Variants in LZTS1 observed in about 807,000 individuals in gnomAD.
The protein encoded by LZTS1 is leucine zipper tumor suppressor 1, also known as leucine zipper putative tumor suppressor 1.
A neutral mutation model predicts 45.8 loss-of-function variants in LZTS1; 31 were observed. The observed-to-expected ratio is 0.68, with a 90% CI of 0.51 to 0.91. The LOEUF is 0.91. Ranked by LOEUF, LZTS1 falls within the 40% of genes least tolerant of loss-of-function variation. The probability of loss-of-function intolerance (pLI) is 0.00; values close to 1 mark genes in which losing one functional copy is unlikely to be tolerated. For synonymous variants in LZTS1, 359 were observed against 357.3 expected, an observed-to-expected ratio of 1.00 and a Z score of -0.05; for missense variants, 821 against 788.9, an observed-to-expected ratio of 1.04 and a Z score of -0.49.
intron 1 of LZTS1, among the ~76,000 whole-genome samples, chr8:20,291,572 A>G (rs1800901314): frequency 6.6e-6 from 1 of 152,258 alleles, no homozygotes; most frequent in Non-Finnish European, 1.5e-5. Flanking sequence ...CTGATGTCAC[A>G]TAGCTAACAG....
intron 1 of LZTS1, among the ~76,000 whole-genome samples, chr8:20,287,254 C>A (rs1800808899): frequency 6.6e-6 from 1 of 151,160 alleles, no homozygotes; most frequent in African/African-American, 2.5e-5. Flanking sequence ...TAAACACCAT[C>A]TCCTGACTTT....
In LZTS1 at chr8:20,250,667, T is replaced by A. The variant is rs150321556; in HGVS notation, c.1150-304A>T. Among the ~76,000 whole-genome samples the A allele has an allele frequency of 1.8e-3, 271 of 152,278 alleles. 1 individual carries two copies. Among genetic ancestry groups the A allele is most frequent in the African/African-American group, 6.1e-3 (254 of 41,560 alleles). ...TCACCTAGGCTGGGGTGTAGTGGCGTGATCTTGGCTCACTGCAACCTCCGC... is the reference window on the plus strand; with the variant it reads ...TCACCTAGGCTGGGGTGTAGTGGCGAGATCTTGGCTCACTGCAACCTCCGC... On this transcript the variant is annotated intron_variant, in intron 3 of 3. Transcript: ENST00000381569.
At position 20,252,942 on chromosome 8, in the gene LZTS1, A is replaced by T. The variant is rs1799974197; in HGVS notation, c.989T>A (p.Val330Asp). 6.2e-7 allele frequency: 1 copy of T among 1,602,010 alleles called. No individual in the cohort carries two copies. The highest frequency in any genetic ancestry group is 1.3e-5 in the African/African-American group (1 of 74,488). ...ASQKSQRAQQ[V>D]LHLQVLQLQQ... Reference sequence around the variant, plus strand: ...AAGCTGCAGTACCTGCAGGTGCAGGACCTGCTGCGCGCGCTGGCTCTTCTG... The same window carrying T: ...AAGCTGCAGTACCTGCAGGTGCAGGTCCTGCTGCGCGCGCTGGCTCTTCTG... The change falls in exon 3 of 4, where the codon GTC becomes GAC. Residue 330 changes from valine to aspartate, a missense_variant. Physicochemically the swap from Val to Asp is radical, Grantham distance 152. Transcript: ENST00000381569.
chr8:20,290,032 C>G (rs1223214164), intron 1 of LZTS1: 2 of 152,226 alleles, frequency 1.3e-5, no homozygotes, highest in African/African-American at 4.8e-5. Context: ...GTCCTAGAAC[C>G]AGACAGCTCT....
rs188618474 is a variant in LZTS1, at chr8:20,302,552, C to G, written c.-135+1188G>C. On this transcript the variant is annotated intron_variant, in intron 1 of 3. Coordinates refer to ENST00000381569, the MANE Select transcript of LZTS1 (RefSeq NM_021020.5). ...GAACTGCCAAGCAGATAGCTCATCTCTTTGTGGCTGGGCTCCTGGGCTCCC... is the reference window on the plus strand; with the variant it reads ...GAACTGCCAAGCAGATAGCTCATCTGTTTGTGGCTGGGCTCCTGGGCTCCC... Among the ~76,000 whole-genome samples the G allele has an allele frequency of 2.3e-3, 345 of 152,300 alleles. 2 individuals carry two copies. Among genetic ancestry groups the G allele is most frequent in the African/African-American group, 7.7e-3 (319 of 41,576 alleles).
chr8:20,261,076 A>G (rs1440456485), intron 1 of LZTS1, among the ~76,000 whole-genome samples: 3 of 152,176 alleles, frequency 2.0e-5, no homozygotes, highest in African/African-American at 7.2e-5. Context: ...GGGTCAACAG[A>G]CACATTTTTA....
rs1801121368 is a variant in LZTS1 at position 20,303,654 on chromosome 8, C to G, written c.-135+86G>C. ...ACGGACGCGCGGACGCACGGACGGT[C>G]CGGCCCGGCGAGGGGAAAGCGGTTT... On this transcript the variant is annotated intron_variant, in intron 1 of 3. Coordinates refer to ENST00000381569, the MANE Select transcript of LZTS1 (RefSeq NM_021020.5). 5.1e-6 allele frequency: 5 copies of G among 975,756 alleles called. No homozygotes were observed. In the South Asian group the frequency reaches 2.4e-4, roughly 46 times the overall value. 60.4% of individuals were successfully genotyped at this position (975,756 alleles called of 1,614,324 possible). A position where few individuals can be genotyped will look rare whatever the true frequency, so the allele number is the denominator to read the frequency against.
In LZTS1 at chr8:20,249,547, C is replaced by T. The variant is rs1215720126; in HGVS notation, c.*175G>A. 2 of 752,958 alleles carry T rather than the reference C, an allele frequency of 2.7e-6. No homozygotes were observed. Among genetic ancestry groups the T allele is most frequent in the South Asian group, 1.9e-5 (1 of 53,184 alleles). 46.6% of individuals were successfully genotyped at this position (752,958 alleles called of 1,614,324 possible). ...TGGTGGGCTGCAGGGCTGGTGAGCA[C>T]TGGGACATCAGAGAGGGAAGGAAAG... On this transcript the variant is annotated 3_prime_UTR_variant, in exon 4 of 4. Transcript: ENST00000381569.
At chr8:20,256,904 CAA>C (rs1800117069) in intron 1 of LZTS1, among the ~76,000 whole-genome samples, 1 of 152,190 alleles carries the variant, frequency 6.6e-6, no homozygotes, top group East Asian at 1.9e-4. Flanking sequence ...TGCAGAAAGA[CAA>C]GAGAGGCCTG....
At chr8:20,266,008 T>C (rs1800346284) in intron 1 of LZTS1, among the ~76,000 whole-genome samples, 1 of 151,950 alleles carries the variant, frequency 6.6e-6, no homozygotes. Context: ...ACTAAGAACA[T>C]AATAGATGCT....
chr8:20,292,602 G>A (rs564529071), intron 1 of LZTS1, among the ~76,000 whole-genome samples: 112 of 152,306 alleles, frequency 7.4e-4, no homozygotes, highest in Non-Finnish European at 1.3e-3. Context: ...AATACAGAGC[G>A]TTGTATCAGC....
chr8:20,273,872 G>A (rs1272311991), intron 1 of LZTS1, among the ~76,000 whole-genome samples: 1 of 152,048 alleles, frequency 6.6e-6, no homozygotes, highest in Non-Finnish European at 1.5e-5. Context: ...TCATGACTGG[G>A]ACTTTCTGTA....
chr8:20,250,206 AG>A lies in LZTS1; in HGVS notation c.1306del (p.Leu436TrpfsTer33). Reference sequence around the variant, plus strand: ...GCCCTTGGTGCGCAGGGCGCCCTCCAGGTCCTGGGTCCTCAGCTCCAGGCCC... The same window carrying A: ...GCCCTTGGTGCGCAGGGCGCCCTCCAGTCCTGGGTCCTCAGCTCCAGGCCC... ...LEGLELRTQD[L>X]EGALRTKGLE... On this transcript the variant is annotated frameshift_variant, in exon 4 of 4. Coordinates refer to ENST00000381569, the MANE Select transcript of LZTS1 (RefSeq NM_021020.5). LOFTEE classifies it high-confidence loss of function. 2 of 1,611,342 alleles carry A rather than the reference AG, an allele frequency of 1.2e-6. No individual in the cohort carries two copies. Among genetic ancestry groups the A allele is most frequent in the Non-Finnish European group, 1.7e-6 (2 of 1,179,510 alleles).
At chr8:20,258,489 G>C (rs569658302) in intron 1 of LZTS1, among the ~76,000 whole-genome samples, 17 of 152,172 alleles carry the variant, frequency 1.1e-4, no homozygotes, top group Admixed American at 2.0e-4. Flanking sequence ...AGAATAAAGA[G>C]GTTATGTTAT....
chr8:20,255,546 A>T (rs1453805863), intron 1 of LZTS1, among the ~76,000 whole-genome samples: 1 of 152,254 alleles, frequency 6.6e-6, no homozygotes, highest in East Asian at 1.9e-4. Context: ...GCAAGTGACT[A>T]AAACAGTCAC....
chr8:20,248,661 T>G lies in LZTS1; in HGVS notation c.*1061A>C, dbSNP rs1377606046. The G allele has an allele frequency of 2.0e-5, 3 of 152,154 alleles. No homozygotes were observed. The highest frequency in any genetic ancestry group is 7.2e-5 in the African/African-American group (3 of 41,402). The allele number at this position is 152,154 out of a possible 1,614,324, so 9.4% of individuals were successfully genotyped here. A position where few individuals can be genotyped will look rare whatever the true frequency, so the allele number is the denominator to read the frequency against. On this transcript the variant is annotated 3_prime_UTR_variant, in exon 4 of 4. Coordinates refer to ENST00000381569, the MANE Select transcript of LZTS1 (RefSeq NM_021020.5). ...CCCTGAAGGTGCTAAGGGGGAAAGG[T>G]TTGCCGCTAAACCTGGCTGTAGGCA... is the stretch of plus-strand genomic sequence containing the variant.
intron 1 of LZTS1, among the ~76,000 whole-genome samples, chr8:20,282,855 G>A (rs1800720275): frequency 6.6e-6 from 1 of 152,218 alleles, no homozygotes; most frequent in South Asian, 2.1e-4. Flanking sequence ...AAAGATGAGA[G>A]GATGTGATAG....
intron 3 of LZTS1, among the ~76,000 whole-genome samples, 193 bp from the exon 4 acceptor site, chr8:20,250,556 A>G (rs1262691714): frequency 6.6e-6 from 1 of 152,208 alleles, no homozygotes; most frequent in Non-Finnish European, 1.5e-5. Flanking sequence ...GAGCTAGGCT[A>G]TATAGTAAAA....
intron 1 of LZTS1, among the ~76,000 whole-genome samples, chr8:20,257,959 C>T (rs1368610988): frequency 1.5e-5 from 2 of 133,064 alleles, no homozygotes; most frequent in Middle Eastern, 3.6e-3. Context: ...TAGGCGTGAG[C>T]CACCGGACTG....
Sources: gnomAD v4.1 joint callset for allele counts (sites outside exome capture counted in the v4.1 genomes callset) on GRCh38, gnomAD v4.1.1 for gene constraint, MANE v1.5 for transcripts, NCBI Gene and HGNC (gene_info 2026-07-23, HGNC 2026-07-21) for gene names.